Variants in CYP4F22 observed in about 807,000 individuals in gnomAD.
CYP4F22 encodes ultra-long-chain fatty acid omega-hydroxylase.
Under a neutral mutation model 60.4 loss-of-function variants are expected in CYP4F22, and 37 were observed. The observed-to-expected ratio is 0.61, with a 90% confidence interval of 0.47 to 0.81. The LOEUF (loss-of-function observed/expected upper bound fraction) is 0.81, where lower values mean the gene tolerates loss of function less well. CYP4F22 is among the 30% of genes least tolerant of loss of function. CYP4F22 has a pLI of 0.00. For missense variants in CYP4F22, 655 were observed against 715.0 expected (o/e 0.92, Z 0.96); for synonymous variants, 258 against 280.5 (o/e 0.92, Z 0.80).
chr19:15,544,334 G>A (rs1971498604), intron 10 of CYP4F22, 55 bp downstream of exon 10: 4 of 1,572,468 alleles, frequency 2.5e-6, no homozygotes, highest in Non-Finnish European at 2.6e-6. Flanking sequence ...AGCCTTGGGT[G>A]TAAGCCTCTG....
In CYP4F22 at chr19:15,513,492, G is replaced by A. The variant is rs933358552; in HGVS notation, c.-109+4909G>A. Among the ~76,000 whole-genome samples, 14 of 151,636 alleles carry A rather than the reference G, an allele frequency of 9.2e-5. 1 individual carries two copies. The highest frequency in any genetic ancestry group is 3.4e-4 in the African/African-American group (14 of 41,334). On this transcript the variant is annotated intron_variant, in intron 1 of 13. Transcript: ENST00000269703. ...CCATTCTTCAGCCTCAGCCTCCCGA[G>A]TAGCTGGGACTACAGGCGCCCGCCA...
chr19:15,549,078 G>A, intron 11 of CYP4F22, 60 bp from the exon 12 acceptor site: 13 of 1,590,966 alleles, frequency 8.2e-6, no homozygotes, highest in Non-Finnish European at 1.1e-5. Context: ...CAAGTTGGGG[G>A]ATGTTTCTGG....
At chr19:15,540,952 A>G (rs1971455802) in intron 8 of CYP4F22, among the ~76,000 whole-genome samples, 1 of 152,154 alleles carries the variant, frequency 6.6e-6, no homozygotes, top group Non-Finnish European at 1.5e-5. Flanking sequence ...GTGGTGCCGC[A>G]TGCCTATGGT....
chr19:15,523,471 C>T (rs959650291), intron 1 of CYP4F22, among the ~76,000 whole-genome samples: 22 of 152,266 alleles, frequency 1.4e-4, no homozygotes, highest in Non-Finnish European at 2.6e-4. Context: ...AAACCAGCCC[C>T]GTGATCCAAT....
At chr19:15,513,484 C>T (rs899070497) in intron 1 of CYP4F22, among the ~76,000 whole-genome samples, 5 of 151,668 alleles carry the variant, frequency 3.3e-5, no homozygotes, top group Non-Finnish European at 7.4e-5. Flanking sequence ...TCAGCCTCAG[C>T]CTCCCGAGTA....
chr19:15,538,086 T>C lies in CYP4F22; in HGVS notation c.671+93T>C, dbSNP rs1300707257. ...GGAACTCCCAGGCATTAGACAACTC[T>C]GGCCTATGGGAGCTCTGCCACGGAT... On this transcript the variant is annotated intron_variant, in intron 7 of 13. Coordinates refer to ENST00000269703, the MANE Select transcript of CYP4F22 (RefSeq NM_173483.4). The C allele has an allele frequency of 3.2e-6, 5 of 1,567,248 alleles. No individual in the cohort carries two copies. In the East Asian group the frequency reaches 1.1e-4, roughly 35 times the overall value.
chr19:15,513,793 G>A (rs1160054236), intron 1 of CYP4F22, among the ~76,000 whole-genome samples: 12 of 152,006 alleles, frequency 7.9e-5, no homozygotes, highest in Admixed American at 7.2e-4. Flanking sequence ...GTGAGCCACC[G>A]CACCCGGCCC....
intron 10 of CYP4F22, 97 bp downstream of exon 10, chr19:15,544,376 C>T: frequency 6.9e-7 from 1 of 1,442,294 alleles, no homozygotes; most frequent in Non-Finnish European, 9.5e-7. Flanking sequence ...TGACCTCAGA[C>T]AAGCCACTTT....
At chr19:15,510,276 C>T (rs994381971) in intron 1 of CYP4F22, among the ~76,000 whole-genome samples, 3 of 152,182 alleles carry the variant, frequency 2.0e-5, no homozygotes, top group Non-Finnish European at 4.4e-5. Context: ...GCCACTGCGC[C>T]TGACTCATCT....
intron 4 of CYP4F22, 142 bp downstream of exon 4, chr19:15,529,995 T>C: frequency 8.3e-7 from 1 of 1,204,746 alleles, no homozygotes; most frequent in East Asian, 2.4e-5. Flanking sequence ...AAAGCAAGCA[T>C]GGCAATCCAG....
intron 6 of CYP4F22, 92 bp from the exon 7 acceptor site, chr19:15,537,780 A>G: frequency 1.2e-6 from 2 of 1,609,606 alleles, no homozygotes; most frequent in Non-Finnish European, 1.7e-6. Flanking sequence ...TATCTATAAA[A>G]TGAGCTTGTA....
intron 2 of CYP4F22, among the ~76,000 whole-genome samples, chr19:15,524,680 G>GAGAAAGAAAGAA (rs34409297): frequency 6.7e-6 from 1 of 149,016 alleles, no homozygotes; most frequent in Non-Finnish European, 1.5e-5. Flanking sequence ...GAGAGAGAGA[G>GAGAAAGAAAGAA]AGAAAGAAAG....
intron 4 of CYP4F22, among the ~76,000 whole-genome samples, chr19:15,530,296 C>T (rs1266075061): frequency 2.0e-5 from 3 of 152,178 alleles, no homozygotes; most frequent in South Asian, 2.1e-4. Context: ...CCTTCTTCCT[C>T]GTGCAGTCCA....
Position 15,525,358 on chromosome 19 carries a change from C to G in CYP4F22, c.22C>G (p.Leu8Val). 6.2e-7 allele frequency: 1 copy of G among 1,613,944 alleles called. No homozygotes were observed. Among genetic ancestry groups the G allele is most frequent in the East Asian group, 2.2e-5 (1 of 44,894 alleles). ...CAGGATGCTGCCCATCACAGACCGC[C>G]TGCTGCACCTCCTGGGGCTGGAGAA... Reference protein sequence around the residue: MLPITDRLLHLLGLEKTA... With the variant: MLPITDRVLHLLGLEKTA... The change falls in exon 3 of 14, where the codon CTG becomes GTG. Residue 8 changes from leucine (L) to valine (V), a missense_variant. Transcript: ENST00000269703.
chr19:15,548,269 G>T, intron 11 of CYP4F22, 28 bp downstream of exon 11: 1 of 1,613,430 alleles, frequency 6.2e-7, no homozygotes, highest in Non-Finnish European at 8.5e-7. Flanking sequence ...CCTGCTGCTG[G>T]TGCACTGCCT....
intron 10 of CYP4F22, among the ~76,000 whole-genome samples, chr19:15,545,104 T>A (rs372532699): frequency 1.9e-4 from 27 of 139,052 alleles, no homozygotes; most frequent in South Asian, 4.5e-4. Flanking sequence ...ATAAATAAAA[T>A]AAAAAAAAAA....
intron 1 of CYP4F22, chr19:15,516,641 AT>A: frequency 2.7e-6 from 1 of 366,972 alleles, no homozygotes; most frequent in Non-Finnish European, 5.2e-6. Flanking sequence ...CTGAATAAAC[AT>A]TTTACTTATA....
chr19:15,516,800 G>T, intron 1 of CYP4F22: 1 of 544,712 alleles, frequency 1.8e-6, no homozygotes, highest in Non-Finnish European at 2.9e-6. Context: ...TCTCATGAGA[G>T]GTCCATGGGG....
At chr19:15,527,225 G>A (rs1488742590) in intron 3 of CYP4F22, among the ~76,000 whole-genome samples, 6 of 152,002 alleles carry the variant, frequency 3.9e-5, no homozygotes, top group Admixed American at 3.9e-4. Context: ...AGGGATTCTT[G>A]GATTCAACCA....
Sources: allele counts gnomAD v4.1 joint callset (sites outside exome capture counted in the v4.1 genomes callset), GRCh38; gene constraint gnomAD v4.1.1; transcripts MANE v1.5; gene names NCBI Gene and HGNC (gene_info 2026-07-23, HGNC 2026-07-21).